The following RAB2A variants were observed in gnomAD, a reference collection of about 807,000 sequenced individuals.
RAB2A encodes the protein RAB2A, member RAS oncogene family.
In RAB2A, 7 loss-of-function variants were observed where a neutral mutation model predicts 32.5. The observed-to-expected ratio is 0.22, with a 90% CI of 0.12 to 0.40. The LOEUF (loss-of-function observed/expected upper bound fraction) is 0.40. RAB2A is among the 10% of genes least tolerant of loss of function. The pLI is 1.00. For synonymous variants in RAB2A, 79 were observed against 85.2 expected (o/e 0.93, Z 0.40); for missense variants, 108 against 260.7 (o/e 0.41, Z 4.03).
chr8:60,614,489 C>T (rs150460316), intron 6 of RAB2A, among the ~76,000 whole-genome samples: 225 of 152,178 alleles, frequency 1.5e-3, no homozygotes, highest in African/African-American at 5.3e-3. Flanking sequence ...TGACCTCAAG[C>T]AGTCTTCCTG....
chr8:60,555,907 C>A (rs1807930701), intron 1 of RAB2A, among the ~76,000 whole-genome samples: 2 of 152,274 alleles, frequency 1.3e-5, no homozygotes, highest in East Asian at 1.9e-4. Context: ...TATCTGCACT[C>A]CCATGTTTGT....
intron 1 of RAB2A, among the ~76,000 whole-genome samples, chr8:60,550,508 C>T (rs919458928): frequency 2.0e-5 from 3 of 151,974 alleles, no homozygotes; most frequent in African/African-American, 7.3e-5. Context: ...CCTCAGCCCC[C>T]ATGTAACTGG....
At chr8:60,559,794 C>G (rs1692581583) in intron 2 of RAB2A, among the ~76,000 whole-genome samples, 1 of 152,220 alleles carries the variant, frequency 6.6e-6, no homozygotes, top group African/African-American at 2.4e-5. Context: ...TTTTTAGCCA[C>G]TGACTGCTCA....
chr8:60,605,047 T>C (rs528518276), intron 6 of RAB2A, among the ~76,000 whole-genome samples: 1 of 152,196 alleles, frequency 6.6e-6, no homozygotes, highest in Admixed American at 6.5e-5. Flanking sequence ...AGAATGGTTT[T>C]GTAGGTCAGG....
At chr8:60,577,641 T>G (rs1442540246) in intron 3 of RAB2A, among the ~76,000 whole-genome samples, 3 of 149,738 alleles carry the variant, frequency 2.0e-5, no homozygotes, top group Non-Finnish European at 4.5e-5. Flanking sequence ...TTTTTTTTTT[T>G]GAGACGGAGT....
At chr8:60,518,275 C>G (rs1807243209) in intron 1 of RAB2A, among the ~76,000 whole-genome samples, 3 of 152,174 alleles carry the variant, frequency 2.0e-5, no homozygotes, top group Admixed American at 2.0e-4. Flanking sequence ...GTTACTCTTG[C>G]ACAACTTTGG....
At chr8:60,570,014 G>A (rs950747271) in intron 2 of RAB2A, 7 of 456,174 alleles carry the variant, frequency 1.5e-5, no homozygotes, top group African/African-American at 8.0e-5. Flanking sequence ...TGCAGCAGGA[G>A]CAGTTGTGTT....
At chr8:60,555,739 C>T (rs1457537346) in intron 1 of RAB2A, among the ~76,000 whole-genome samples, 1 of 152,144 alleles carries the variant, frequency 6.6e-6, no homozygotes, top group African/African-American at 2.4e-5. Context: ...AAAGAGAATT[C>T]TTATACACTG....
rs1158838149 is a variant in RAB2A at position 60,561,477 on chromosome 8, C to T, written c.118+2554C>T. ...GCTCAGAGCTCTTAAGGAGGGAACC[C>T]GGGAAATCCTGTTTCTCATTCTCCC... On this transcript the variant is annotated intron_variant, in intron 2 of 7. Coordinates refer to ENST00000262646, the MANE Select transcript of RAB2A (RefSeq NM_002865.3). Among the ~76,000 whole-genome samples, 9 of 152,146 alleles carry T rather than the reference C, an allele frequency of 5.9e-5. No homozygotes were observed. The East Asian group carries it at 1.2e-3, about 20-fold the overall frequency.
At chr8:60,571,742 T>C (rs1808200098) in intron 2 of RAB2A, among the ~76,000 whole-genome samples, 1 of 152,192 alleles carries the variant, frequency 6.6e-6, no homozygotes, top group African/African-American at 2.4e-5. Context: ...ATTATGGCTC[T>C]TGGATCTCTT....
chr8:60,576,267 G>C (rs1241573862), intron 3 of RAB2A: 3 of 456,100 alleles, frequency 6.6e-6, no homozygotes, highest in Non-Finnish European at 1.3e-5. Flanking sequence ...GTTGCCCCTG[G>C]TTTCTGTTCA....
At position 60,517,139 on chromosome 8, in the gene RAB2A, G is replaced by T; in HGVS notation, c.-69G>T. The T allele has an allele frequency of 1.4e-6, 2 of 1,443,360 alleles. No individual in the cohort carries two copies. Among genetic ancestry groups the T allele is most frequent in the Non-Finnish European group, 1.8e-6 (2 of 1,089,182 alleles). The allele number at this position is 1,443,360 out of a possible 1,614,324, so 89.4% of individuals were successfully genotyped here. A position where few individuals can be genotyped will look rare whatever the true frequency, so the allele number is the denominator to read the frequency against. On this transcript the variant is annotated 5_prime_UTR_variant, in exon 1 of 8. Coordinates refer to ENST00000262646, the MANE Select transcript of RAB2A (RefSeq NM_002865.3). ...CGTTTCGAGGCTGAGCGGCACCGGGGTTGGGGCGCGGAGGAGGAGCAGCAG... is the reference window on the plus strand; with the variant it reads ...CGTTTCGAGGCTGAGCGGCACCGGGTTTGGGGCGCGGAGGAGGAGCAGCAG...
intron 2 of RAB2A, among the ~76,000 whole-genome samples, chr8:60,569,661 T>C (rs1007544338): frequency 6.6e-6 from 1 of 152,104 alleles, no homozygotes; most frequent in Non-Finnish European, 1.5e-5. Flanking sequence ...CACAGGCACC[T>C]GCCACCATAC....
At chr8:60,574,098 T>C (rs1808235200) in intron 3 of RAB2A, among the ~76,000 whole-genome samples, 4 of 152,280 alleles carry the variant, frequency 2.6e-5, no homozygotes, top group Non-Finnish European at 5.9e-5. Context: ...CTTATACTTT[T>C]GCATAAATAC....
In RAB2A at chr8:60,574,174, T is replaced by G. The variant is rs1480986487; in HGVS notation, c.186+2061T>G. Among the ~76,000 whole-genome samples, 3 of 152,352 alleles carry G rather than the reference T, an allele frequency of 2.0e-5. No individual in the cohort carries two copies. The East Asian group carries it at 5.8e-4, about 29-fold the overall frequency. On this transcript the variant is annotated intron_variant, in intron 3 of 7. Transcript: ENST00000262646. ...TTAAGGCAACTAAGATGTCAGCTCT[T>G]TGGTGAAGCCTTTTTGACCCCCATC...
intron 6 of RAB2A, among the ~76,000 whole-genome samples, chr8:60,608,536 C>A (rs1804279399): frequency 1.3e-5 from 2 of 148,670 alleles, no homozygotes; most frequent in Admixed American, 1.3e-4. Context: ...TCTCCTTCTC[C>A]TCCTTCTCTC....
At chr8:60,551,518 A>G (rs1025322235) in intron 1 of RAB2A, among the ~76,000 whole-genome samples, 2 of 152,208 alleles carry the variant, frequency 1.3e-5, no homozygotes, top group Non-Finnish European at 2.9e-5. Context: ...CAAGTATCCT[A>G]TTAGATAGGT....
At chr8:60,601,201 A>G (rs367810301) in intron 6 of RAB2A, among the ~76,000 whole-genome samples, 2 of 152,266 alleles carry the variant, frequency 1.3e-5, no homozygotes, top group African/African-American at 4.8e-5. Context: ...CAGATTTTCA[A>G]ATTACTAGAT....
chr8:60,620,752 G>C lies in RAB2A; in HGVS notation c.622G>C (p.Gly208Arg), dbSNP rs1293539677. 1.2e-6 allele frequency: 2 copies of C among 1,613,074 alleles called. No individual in the cohort carries two copies. The highest frequency in any genetic ancestry group is 1.7e-6 in the Non-Finnish European group (2 of 1,179,764). Residue 208 changes from glycine (G) to arginine (R), a missense_variant, in exon 8 of 8, where the codon GGG (glycine) becomes CGG (arginine). Around this residue, in one of 4 missense-constraint regions of RAB2A, gnomAD observed 24 missense variants for 23.2 expected, o/e 1.04. Transcript: ENST00000262646. ...HAGNQGGQQA[G>R]GGCC is the part of the protein sequence containing the mutation. The stretch of plus-strand genomic sequence containing the variant: ...AGGCAATCAGGGAGGACAGCAGGCT[G>C]GGGGCGGCTGCTGTTGAGTCTGTTT...
Sources: allele counts gnomAD v4.1 joint callset (sites outside exome capture counted in the v4.1 genomes callset), GRCh38; gene constraint gnomAD v4.1.1; regional missense constraint gnomAD v4.1.1; transcripts MANE v1.5; gene names NCBI Gene and HGNC (gene_info 2026-07-23, HGNC 2026-07-21).